The following ENOX1 variants were observed in gnomAD, a reference collection of about 807,000 sequenced individuals.
The protein encoded by ENOX1 is ecto-NOX disulfide-thiol exchanger 1, also known as candidate growth-related and time keeping constitutive hydroquinone (NADH) oxidase.
In ENOX1, 42 loss-of-function variants were observed where a neutral mutation model predicts 82.5. That is an observed-to-expected ratio of 0.51 (90% CI 0.40 to 0.66). ENOX1 has a LOEUF of 0.66. ENOX1 is among the 30% of genes least tolerant of loss of function. ENOX1 has a pLI of 0.00. For missense variants in ENOX1, 608 were observed against 811.6 expected (o/e 0.75, Z 3.05); for synonymous variants, 271 against 282.2 (o/e 0.96, Z 0.40).
At chr13:43,752,659 G>T (rs930326708) in intron 1 of ENOX1, among the ~76,000 whole-genome samples, 8 of 151,978 alleles carry the variant, frequency 5.3e-5, no homozygotes, top group Non-Finnish European at 1.2e-4. Flanking sequence ...CCCATGCCTT[G>T]GTCTAAAATC....
At chr13:43,353,760 T>C (rs2049963177) in intron 8 of ENOX1, among the ~76,000 whole-genome samples, 1 of 152,260 alleles carries the variant, frequency 6.6e-6, no homozygotes, top group Non-Finnish European at 1.5e-5. Flanking sequence ...CAGCCATCTA[T>C]TAAAATTTCC....
At chr13:43,375,536 G>A (rs116417905) in intron 5 of ENOX1, among the ~76,000 whole-genome samples, 1,788 of 152,330 alleles carry the variant, frequency 0.012, 17 homozygotes, top group Middle Eastern at 0.044. Flanking sequence ...CCCCCAGTCC[G>A]TGGTGATGCA....
intron 2 of ENOX1, among the ~76,000 whole-genome samples, chr13:43,642,324 G>A (rs1403574221): frequency 6.6e-6 from 1 of 152,104 alleles, no homozygotes; most frequent in Non-Finnish European, 1.5e-5. Context: ...AAAGAAAGCT[G>A]GGAGCTGGAA....
intron 14 of ENOX1, among the ~76,000 whole-genome samples, chr13:43,249,335 C>T (rs888160023): frequency 6.6e-6 from 1 of 152,178 alleles, no homozygotes; most frequent in African/African-American, 2.4e-5. Context: ...ATGTAACCCA[C>T]ACTGCTATAG....
At chr13:43,712,083 G>T (rs376885253) in intron 1 of ENOX1, among the ~76,000 whole-genome samples, 3 of 151,748 alleles carry the variant, frequency 2.0e-5, no homozygotes, top group East Asian at 1.9e-4. Context: ...TAATCCATCT[G>T]GAATTAATTT....
intron 3 of ENOX1, among the ~76,000 whole-genome samples, chr13:43,446,180 T>C (rs989416412): frequency 2.2e-4 from 33 of 152,034 alleles, no homozygotes; most frequent in African/African-American, 7.0e-4. Flanking sequence ...TTTTTTTTTT[T>C]CATTAAGTGC....
chr13:43,213,502 A>T lies in ENOX1; in HGVS notation c.*488T>A. On this transcript the variant is annotated 3_prime_UTR_variant, in exon 17 of 17. Transcript: ENST00000690772. ...TTTTCTTTTGGTATGCTTTTCCCTC[A>T]CTGTAAAACTTTTTCTTTTTTCTTT... is the stretch of plus-strand genomic sequence containing the variant. 7.3e-6 allele frequency: 1 copy of T among 137,014 alleles called. No individual in the cohort carries two copies. Among genetic ancestry groups the T allele is most frequent in the African/African-American group, 2.7e-5 (1 of 37,450 alleles). 8.5% of individuals were successfully genotyped at this position (137,014 alleles called of 1,614,324 possible). A position where few individuals can be genotyped will look rare whatever the true frequency, so the allele number is the denominator to read the frequency against.
chr13:43,255,081 TA>T (rs1357532823), intron 14 of ENOX1, among the ~76,000 whole-genome samples: 1 of 151,986 alleles, frequency 6.6e-6, no homozygotes, highest in African/African-American at 2.4e-5. Flanking sequence ...AGCAACAAAT[TA>T]AAAAGACCAT....
chr13:43,451,916 C>T (rs2056988602), intron 3 of ENOX1, among the ~76,000 whole-genome samples: 1 of 152,074 alleles, frequency 6.6e-6, no homozygotes, highest in Admixed American at 6.6e-5. Flanking sequence ...TAGATTATAT[C>T]AGATGGGGAT....
At chr13:43,387,796 A>G (rs1235189312) in intron 5 of ENOX1, among the ~76,000 whole-genome samples, 2 of 152,132 alleles carry the variant, frequency 1.3e-5, no homozygotes, top group Admixed American at 6.5e-5. Flanking sequence ...ATACATATAT[A>G]AACATTTATA....
chr13:43,506,897 T>G (rs2077191455), intron 2 of ENOX1, among the ~76,000 whole-genome samples: 1 of 151,254 alleles, frequency 6.6e-6, no homozygotes, highest in Non-Finnish European at 1.5e-5. Context: ...AATGACGAGT[T>G]AATGGGTGCA....
At chr13:43,447,029 G>C (rs972480298) in intron 3 of ENOX1, among the ~76,000 whole-genome samples, 1 of 152,228 alleles carries the variant, frequency 6.6e-6, no homozygotes, top group African/African-American at 2.4e-5. Flanking sequence ...GAACATAGTG[G>C]CCTCTGATTA....
chr13:43,236,749 A>T lies in ENOX1; in HGVS notation c.1612-11T>A. On this transcript the variant is annotated splice_polypyrimidine_tract_variant and intron_variant, in intron 14 of 16. Transcript: ENST00000690772. The stretch of plus-strand genomic sequence containing the variant: ...CAACACATTGATTTCCTATAAAGTT[A>T]AAAGCCAAAAACCATATATGGGTTT... 1 of 1,530,738 alleles carries T rather than the reference A, an allele frequency of 6.5e-7. No individual in the cohort carries two copies. The highest frequency in any genetic ancestry group is 8.8e-7 in the Non-Finnish European group (1 of 1,137,642). The allele number at this position is 1,530,738 out of a possible 1,614,324, so 94.8% of individuals were successfully genotyped here. A position where few individuals can be genotyped will look rare whatever the true frequency, so the allele number is the denominator to read the frequency against.
intron 1 of ENOX1, among the ~76,000 whole-genome samples, chr13:43,744,119 G>A (rs1039720168): frequency 2.6e-5 from 4 of 152,084 alleles, no homozygotes; most frequent in Non-Finnish European, 5.9e-5. Flanking sequence ...AACCACAGCA[G>A]CAGCTTTTCA....
chr13:43,700,661 C>T (rs1281408200), intron 1 of ENOX1, among the ~76,000 whole-genome samples: 1 of 152,058 alleles, frequency 6.6e-6, no homozygotes, highest in African/African-American at 2.4e-5. Flanking sequence ...GGATCAAAAT[C>T]CCTAAATATC....
chr13:43,356,738 G>A (rs898449195), intron 7 of ENOX1, among the ~76,000 whole-genome samples: 23 of 152,074 alleles, frequency 1.5e-4, no homozygotes, highest in African/African-American at 4.3e-4. Flanking sequence ...AATTACCAAG[G>A]CAATTTTGCA....
intron 2 of ENOX1, among the ~76,000 whole-genome samples, chr13:43,496,278 T>C (rs186680860): frequency 6.6e-6 from 1 of 152,282 alleles, no homozygotes; most frequent in Admixed American, 6.5e-5. Flanking sequence ...CATGTAAAGA[T>C]CTAATTCAAA....
chr13:43,526,973 G>A (rs911791098), intron 2 of ENOX1, among the ~76,000 whole-genome samples: 14 of 151,996 alleles, frequency 9.2e-5, no homozygotes, highest in Admixed American at 8.5e-4. Flanking sequence ...CTCCCCTCTG[G>A]AGGATGCAGA....
Position 43,749,649 on chromosome 13 carries a change from T to C in ENOX1, c.-285+37003A>G, listed in dbSNP as rs531605724. Among the ~76,000 whole-genome samples, 10 of 152,328 alleles carry C rather than the reference T, an allele frequency of 6.6e-5. 1 individual carries two copies. Among genetic ancestry groups the C allele is most frequent in the African/African-American group, 2.4e-4 (10 of 41,582 alleles). On this transcript the variant is annotated intron_variant, in intron 1 of 16. Coordinates refer to ENST00000690772, the MANE Select transcript of ENOX1 (RefSeq NM_001347969.2). ...CTTAATTTAAAGCCTACACAACCAC[T>C]GATCTCTGAGAATATGACTGATGTT...
Sources: gnomAD v4.1 joint callset for allele counts (sites outside exome capture counted in the v4.1 genomes callset) on GRCh38, gnomAD v4.1.1 for gene constraint, MANE v1.5 for transcripts, NCBI Gene and HGNC (gene_info 2026-07-23, HGNC 2026-07-21) for gene names.